Variants in LCA5L observed in about 807,000 individuals in gnomAD.
The protein encoded by LCA5L is lebercilin LCA5 like, also known as lebercilin-like protein.
In LCA5L, 35 loss-of-function variants were observed where a neutral mutation model predicts 45.4. The observed-to-expected ratio is 0.77, with a 90% CI of 0.59 to 1.02. The LOEUF is 1.02. LCA5L is among the 50% of genes least tolerant of loss of function. LCA5L has a pLI of 0.00. For synonymous variants in LCA5L, 233 were observed against 264.7 expected (o/e 0.88, Z 1.16); for missense variants, 668 against 761.6 (o/e 0.88, Z 1.45).
rs766837129 is a variant in LCA5L, at chr21:39,406,054, G to T, written c.1841C>A (p.Ser614Ter). 1 of 1,614,214 alleles carries T rather than the reference G, an allele frequency of 6.2e-7. No homozygotes were observed. The highest frequency in any genetic ancestry group is 2.2e-5 in the East Asian group (1 of 44,882). Residue 614 changes from serine (S) to a stop codon, truncating the protein, a stop_gained, in exon 11 of 11, where the codon TCA becomes TAA. Transcript: ENST00000288350. LOFTEE classifies it low-confidence loss of function (END_TRUNC). ...TGAGCCTTTTGCAACACCAGGACTT[G>T]ATTGGTCAGTTTTCAAGACATAGCC... ...GSGYVLKTDQ[S>*]SPGVAKGSEE...
At chr21:39,434,691 T>C (rs1028219871) in intron 3 of LCA5L, among the ~76,000 whole-genome samples, 1 of 152,122 alleles carries the variant, frequency 6.6e-6, no homozygotes, top group Non-Finnish European at 1.5e-5. Flanking sequence ...CTAATATTTT[T>C]AGTTTTTGAA....
In LCA5L at chr21:39,410,012, G is replaced by A; in HGVS notation, c.1249C>T (p.Pro417Ser). The A allele has an allele frequency of 1.3e-6, 2 of 1,591,082 alleles. No individual in the cohort carries two copies. Among genetic ancestry groups the A allele is most frequent in the Non-Finnish European group, 1.7e-6 (2 of 1,160,408 alleles). ...HEIPHCVNKL[P>S]KQEDSKRKYE... ...TTTCTCTTAGAATCCTCTTGCTTTG[G>A]TAGTTTATTCACACAGTGAGGAATT... The change falls in exon 10 of 11, where the codon CCA becomes TCA. Residue 417 changes from proline to serine, a missense_variant. Pro to Ser is a moderately conservative substitution (Grantham distance 74, BLOSUM62 -1). Transcript: ENST00000288350.
intron 4 of LCA5L, among the ~76,000 whole-genome samples, chr21:39,428,857 T>C (rs1319658326): frequency 6.6e-6 from 1 of 151,646 alleles, no homozygotes; most frequent in Non-Finnish European, 1.5e-5. Flanking sequence ...CAAGTGATCC[T>C]CCCACCTTGG....
Position 39,410,013 on chromosome 21 carries a change from T to A in LCA5L, c.1248A>T (p.Leu416=). 6.3e-7 allele frequency: 1 copy of A among 1,593,030 alleles called. No homozygotes were observed. The highest frequency in any genetic ancestry group is 8.6e-7 in the Non-Finnish European group (1 of 1,161,914). ...TTCTCTTAGAATCCTCTTGCTTTGGTAGTTTATTCACACAGTGAGGAATTT... is the reference window on the plus strand; with the variant it reads ...TTCTCTTAGAATCCTCTTGCTTTGGAAGTTTATTCACACAGTGAGGAATTT... ...NHEIPHCVNK[L]PKQEDSKRKY... Residue 416 remains leucine, a synonymous_variant, in exon 10 of 11, where the codon CTA becomes CTT. Coordinates refer to ENST00000288350, the MANE Select transcript of LCA5L (RefSeq NM_152505.4).
chr21:39,422,815 C>T, intron 6 of LCA5L, 161 bp downstream of exon 6: 3 of 683,562 alleles, frequency 4.4e-6, no homozygotes, highest in Non-Finnish European at 7.4e-6. Context: ...AAACCACTCC[C>T]TTTCTGTGCC....
intron 5 of LCA5L, among the ~76,000 whole-genome samples, chr21:39,424,116 G>A (rs761727012): frequency 9.9e-5 from 15 of 152,088 alleles, no homozygotes; most frequent in Middle Eastern, 3.4e-3. Context: ...GGGTTCAAGC[G>A]ATTCTCCTGC....
At chr21:39,443,248 CAAT>C (rs1303567538) in intron 2 of LCA5L, among the ~76,000 whole-genome samples, 2 of 152,060 alleles carry the variant, frequency 1.3e-5, no homozygotes, top group Non-Finnish European at 2.9e-5. Context: ...AGGGATTGGA[CAAT>C]AACTGGAAAC....
intron 7 of LCA5L, among the ~76,000 whole-genome samples, chr21:39,415,001 C>T (rs930264407): frequency 4.6e-5 from 7 of 151,984 alleles, no homozygotes; most frequent in Non-Finnish European, 8.8e-5. Flanking sequence ...AACTCCTGGG[C>T]TCGAGATCTT....
At chr21:39,410,471 C>T (rs145197332) in intron 8 of LCA5L, 104 bp from the exon 9 acceptor site, 1 of 607,474 alleles carries the variant, frequency 1.6e-6, no homozygotes, top group East Asian at 2.9e-5. Flanking sequence ...ATAAAGTATA[C>T]TAAGTATTTT....
chr21:39,431,036 T>A (rs1269772069), intron 3 of LCA5L, among the ~76,000 whole-genome samples: 2 of 152,098 alleles, frequency 1.3e-5, no homozygotes, highest in Admixed American at 1.3e-4. Context: ...AGAAAAAAAA[T>A]TCCAATGGAA....
Position 39,423,469 on chromosome 21 carries a change from T to TC in LCA5L, c.343dup (p.Glu115GlyfsTer12), listed in dbSNP as rs1344942216. On this transcript the variant is annotated frameshift_variant, in exon 6 of 11. Coordinates refer to ENST00000288350, the MANE Select transcript of LCA5L (RefSeq NM_152505.4). LOFTEE classifies it high-confidence loss of function. ...TGATGCATTCCAGGTGTGCTTTTTT[T>TC]CAACTGATATTTCCTTCTGGCCTGT... 2 of 1,565,774 alleles carry TC rather than the reference T, an allele frequency of 1.3e-6. No individual in the cohort carries two copies. The highest frequency in any genetic ancestry group is 1.7e-6 in the Non-Finnish European group (2 of 1,163,650).
chr21:39,420,152 C>G (rs767580923), intron 7 of LCA5L, among the ~76,000 whole-genome samples: 1 of 152,066 alleles, frequency 6.6e-6, no homozygotes, highest in Non-Finnish European at 1.5e-5. Flanking sequence ...AAGCTGTTAA[C>G]TCATTCTAAT....
intron 7 of LCA5L, among the ~76,000 whole-genome samples, chr21:39,416,413 T>C (rs544181908): frequency 1.3e-5 from 2 of 152,368 alleles, no homozygotes; most frequent in South Asian, 4.1e-4. Flanking sequence ...ACTACCCTAA[T>C]GGTCCTTAAT....
chr21:39,421,250 C>T (rs2042260022), intron 6 of LCA5L, among the ~76,000 whole-genome samples: 1 of 152,076 alleles, frequency 6.6e-6, no homozygotes, highest in Non-Finnish European at 1.5e-5. Flanking sequence ...TACAGGTGCA[C>T]ACCACCATGC....
chr21:39,431,062 A>C (rs928816664), intron 3 of LCA5L, among the ~76,000 whole-genome samples: 1 of 152,256 alleles, frequency 6.6e-6, no homozygotes, highest in Non-Finnish European at 1.5e-5. Context: ...GTAGAGCCAC[A>C]TAAGAATAAA....
rs983119747 is a variant in LCA5L, at chr21:39,410,339, G to A, written c.1089C>T (p.Asp363=). The change falls in exon 9 of 11, where the codon GAC becomes GAT. Residue 363 remains aspartate (D), a synonymous_variant. Transcript: ENST00000288350. ...KVSSTKSVQA[D]RKILPFTSMR... is the part of the protein sequence containing the mutation. ...TACTTGTGAATGGCAAAATTTTTCT[G>A]TCTGCTTGGACTGATTTTGTTGAAG... 6 of 1,607,984 alleles carry A rather than the reference G, an allele frequency of 3.7e-6. No individual in the cohort carries two copies. The Admixed American group carries it at 8.5e-5, about 23-fold the overall frequency.
rs370287935 is a variant in LCA5L at position 39,445,186 on chromosome 21, C to G, written c.-313+539G>C. Among the ~76,000 whole-genome samples the G allele has an allele frequency of 7.4e-4, 107 of 144,396 alleles. 1 individual carries two copies. The highest frequency in any genetic ancestry group is 2.5e-3 in the African/African-American group (98 of 39,538). The allele number at this position is 144,396 out of a possible 152,430, so 94.7% of individuals were successfully genotyped here. On this transcript the variant is annotated intron_variant, in intron 1 of 10. Coordinates refer to ENST00000288350, the MANE Select transcript of LCA5L (RefSeq NM_152505.4). ...TGAGGGGAGGGTGTGGATAAAGAGC[C>G]CCGAGGCTGGGTGAGTGGGGGACAA... is the stretch of plus-strand genomic sequence containing the variant.
chr21:39,406,820 C>G (rs1407974121), intron 10 of LCA5L: 1 of 473,326 alleles, frequency 2.1e-6, no homozygotes, highest in East Asian at 3.3e-5. Flanking sequence ...ACTTCCCAAG[C>G]AGATGGGAAT....
intron 7 of LCA5L, among the ~76,000 whole-genome samples, chr21:39,417,758 A>G (rs116694748): frequency 0.021 from 3,250 of 151,792 alleles, 101 homozygotes; most frequent in African/African-American, 0.074. Context: ...TTATTTATTT[A>G]ATTTTTTAAT....
Sources: gnomAD v4.1 joint callset for allele counts (sites outside exome capture counted in the v4.1 genomes callset) on GRCh38, gnomAD v4.1.1 for gene constraint, MANE v1.5 for transcripts, NCBI Gene and HGNC (gene_info 2026-07-23, HGNC 2026-07-21) for gene names.